TENM4: variants seen among roughly 807,000 people sequenced by gnomAD.
TENM4 encodes teneurin transmembrane protein 4.
In TENM4, 82 loss-of-function variants were observed where a neutral mutation model predicts 243.3. The observed-to-expected ratio is 0.34, with a 90% confidence interval of 0.28 to 0.40. TENM4 has a LOEUF of 0.40. Ranked by LOEUF, TENM4 falls within the 10% of genes least tolerant of loss-of-function variation. The probability of loss-of-function intolerance (pLI) is 1.00; values close to 1 mark genes in which losing one functional copy is unlikely to be tolerated. For synonymous variants in TENM4, 1,412 were observed against 1,456.3 expected (o/e 0.97, Z 0.69); for missense variants, 3,138 against 3,673.3 (o/e 0.85, Z 3.77).
chr11:79,076,637 T>C (rs2137017540), intron 4 of TENM4, among the ~76,000 whole-genome samples: 2 of 152,300 alleles, frequency 1.3e-5, no homozygotes, highest in Non-Finnish European at 2.9e-5. Context: ...TTTTTTGTTT[T>C]TGTCTTTTTC....
intron 6 of TENM4, among the ~76,000 whole-genome samples, chr11:78,949,036 T>C (rs895852228): frequency 6.6e-6 from 1 of 152,188 alleles, no homozygotes; most frequent in African/African-American, 2.4e-5. Flanking sequence ...CTCCCCACTA[T>C]AAAGTAACTC....
intron 5 of TENM4, 114 bp from the exon 6 acceptor site, chr11:79,065,121 T>G (rs1860211400): frequency 1.4e-6 from 2 of 1,394,842 alleles, no homozygotes; most frequent in Non-Finnish European, 1.9e-6. Context: ...TTGAACTTGC[T>G]GTGGCATTCT....
chr11:79,392,304 A>G (rs188844098), intron 1 of TENM4, among the ~76,000 whole-genome samples: 2 of 152,338 alleles, frequency 1.3e-5, no homozygotes, highest in Admixed American at 6.5e-5. Flanking sequence ...GAGAGAACAT[A>G]TTGTGAACTT....
At chr11:79,130,813 A>T (rs188597175) in intron 4 of TENM4, among the ~76,000 whole-genome samples, 2 of 152,244 alleles carry the variant, frequency 1.3e-5, no homozygotes, top group Non-Finnish European at 2.9e-5. Context: ...ACAGAGTGAG[A>T]CTCCATCTCA....
chr11:79,205,538 C>A (rs898523957), intron 3 of TENM4, among the ~76,000 whole-genome samples: 7 of 152,196 alleles, frequency 4.6e-5, no homozygotes, highest in South Asian at 2.1e-4. Flanking sequence ...AAAATTTTGT[C>A]ATTTCAAAAA....
At chr11:78,926,534 A>T (rs898764367) in intron 6 of TENM4, among the ~76,000 whole-genome samples, 2 of 152,116 alleles carry the variant, frequency 1.3e-5, no homozygotes, top group Admixed American at 6.5e-5. Context: ...GGCCTCCCAA[A>T]GTGATGGGAT....
At chr11:79,390,270 C>T (rs1053416795) in intron 1 of TENM4, among the ~76,000 whole-genome samples, 2 of 152,188 alleles carry the variant, frequency 1.3e-5, no homozygotes, top group African/African-American at 4.8e-5. Context: ...CCACCAGCAC[C>T]ATCCCTTCCT....
In TENM4 at chr11:79,218,238, AC is replaced by A. The variant is rs1476288580; in HGVS notation, c.-264-2330del. 5.6e-5 allele frequency among the ~76,000 whole-genome samples: 6 copies of A among 106,644 alleles called. 1 individual carries two copies. The highest frequency in any genetic ancestry group is 1.1e-4 in the Non-Finnish European group (6 of 55,680). 70.0% of individuals were successfully genotyped at this position (106,644 alleles called of 152,430 possible). ...TTAGAAGTTTACCCCCTGCCCACCCACCCCCGACACACACAACCCCACCCCA... is the reference window on the plus strand; with the variant it reads ...TTAGAAGTTTACCCCCTGCCCACCCACCCCGACACACACAACCCCACCCCA... On this transcript the variant is annotated intron_variant, in intron 2 of 33. Transcript: ENST00000278550.
chr11:79,236,397 G>A (rs1401208693), intron 2 of TENM4, among the ~76,000 whole-genome samples: 5 of 152,094 alleles, frequency 3.3e-5, no homozygotes, highest in African/African-American at 7.2e-5. Flanking sequence ...GCTCTATTAC[G>A]CTGATGCCCT....
chr11:79,249,665 T>C (rs573932974), intron 2 of TENM4, among the ~76,000 whole-genome samples: 1 of 152,244 alleles, frequency 6.6e-6, no homozygotes, highest in Non-Finnish European at 1.5e-5. Context: ...ACTTTCTCTA[T>C]ACACAATGTT....
intron 2 of TENM4, among the ~76,000 whole-genome samples, chr11:79,229,310 G>T (rs112570960): frequency 1.3e-5 from 2 of 152,314 alleles, no homozygotes; most frequent in South Asian, 2.1e-4. Context: ...AGACCAAAAA[G>T]CCCTCATAGT....
At chr11:79,106,700 A>G (rs1353834800) in intron 4 of TENM4, among the ~76,000 whole-genome samples, 1 of 152,226 alleles carries the variant, frequency 6.6e-6, no homozygotes, top group East Asian at 1.9e-4. Context: ...ACCGAGGTTC[A>G]GAAAGGAATG....
chr11:79,018,126 C>T (rs1329105465), intron 6 of TENM4, among the ~76,000 whole-genome samples: 1 of 152,158 alleles, frequency 6.6e-6, no homozygotes, highest in African/African-American at 2.4e-5. Context: ...TGTTGCCCAA[C>T]TGAATGCAAG....
At chr11:78,695,663 G>A (rs1858942562) in intron 28 of TENM4, among the ~76,000 whole-genome samples, 1 of 149,364 alleles carries the variant, frequency 6.7e-6, no homozygotes, top group African/African-American at 2.6e-5. Flanking sequence ...GCACCTGGCT[G>A]TGGACAGTTT....
intron 7 of TENM4, among the ~76,000 whole-genome samples, chr11:78,896,990 C>T (rs1855814461): frequency 6.6e-6 from 1 of 152,178 alleles, no homozygotes; most frequent in Non-Finnish European, 1.5e-5. Context: ...TCTGGGAACT[C>T]AGGTTTCAGG....
At chr11:79,141,019 G>A (rs954282009) in intron 4 of TENM4, among the ~76,000 whole-genome samples, 3 of 152,030 alleles carry the variant, frequency 2.0e-5, no homozygotes, top group Admixed American at 2.0e-4. Flanking sequence ...TGAGATTAAG[G>A]TGCTAGACGG....
chr11:78,712,085 C>T (rs373104781), intron 26 of TENM4, among the ~76,000 whole-genome samples: 1 of 152,094 alleles, frequency 6.6e-6, no homozygotes, highest in South Asian at 2.1e-4. Context: ...ACATGAGAGA[C>T]AGCATATATG....
intron 1 of TENM4, among the ~76,000 whole-genome samples, chr11:79,337,283 T>C (rs1857163149): frequency 1.3e-5 from 2 of 152,300 alleles, no homozygotes; most frequent in South Asian, 4.1e-4. Flanking sequence ...GAGCAGATGT[T>C]TGATGGCAGC....
At chr11:78,978,370 GAAAAGAAAAGA>G (rs1482321718) in intron 6 of TENM4, among the ~76,000 whole-genome samples, 17 of 151,568 alleles carry the variant, frequency 1.1e-4, no homozygotes, top group African/African-American at 4.1e-4. Flanking sequence ...GAAAAGAAAA[GAAAAGAAAAGA>G]AAAGAAAAGA....
Sources: allele counts gnomAD v4.1 joint callset (sites outside exome capture counted in the v4.1 genomes callset), GRCh38; gene constraint gnomAD v4.1.1; transcripts MANE v1.5; gene names NCBI Gene and HGNC (gene_info 2026-07-23, HGNC 2026-07-21).